CLDN16: variants seen among roughly 807,000 people sequenced by gnomAD.
CLDN16 encodes claudin 16, also known as claudin-16.
A neutral mutation model predicts 24.6 loss-of-function variants in CLDN16; 13 were observed. The observed-to-expected ratio is 0.53, with a 90% CI of 0.34 to 0.84. The LOEUF is 0.84. Among genes scored for constraint, CLDN16 ranks in the 40% least tolerant of loss-of-function variants. CLDN16 has a pLI of 0.01. For missense variants in CLDN16, 298 were observed against 292.7 expected (o/e 1.02, Z -0.13); for synonymous variants, 116 against 106.7 (o/e 1.09, Z -0.54).
intron 1 of CLDN16, among the ~76,000 whole-genome samples, chr3:190,341,200 A>G (rs1375826563): frequency 1.3e-5 from 2 of 151,882 alleles, no homozygotes; most frequent in African/African-American, 4.8e-5. Context: ...CCCAGTAGGG[A>G]CTCTATGTGG....
At chr3:190,316,288 C>T in the CLDN16 span, among the ~76,000 whole-genome samples, 4 of 152,174 alleles carry the variant, frequency 2.6e-5, no homozygotes, top group Non-Finnish European at 4.4e-5. Context: ...CAACTATTGA[C>T]TTATACAATT....
Position 190,363,577 on chromosome 3 carries a change from T to C in CLDN16, n.122-7316T>C, listed in dbSNP as rs1442809290. ...GTGTGTATATATATATATATATATATATATATATATATATATATATTTTCT... is the reference window on the plus strand; with the variant it reads ...GTGTGTATATATATATATATATATACATATATATATATATATATATTTTCT... On this transcript the variant is annotated intron_variant and non_coding_transcript_variant, in intron 1 of 4. Coordinates refer to the CLDN16 transcript ENST00000468220. 4.4e-4 allele frequency among the ~76,000 whole-genome samples: 59 copies of C among 135,218 alleles called. 3 individuals are homozygous for C. Among genetic ancestry groups the C allele is most frequent in the African/African-American group, 1.3e-3 (47 of 36,962 alleles). The allele number at this position is 135,218 out of a possible 152,430, so 88.7% of individuals were successfully genotyped here.
the CLDN16 span, among the ~76,000 whole-genome samples, chr3:190,303,483 T>TG: frequency 1.3e-5 from 2 of 152,036 alleles, no homozygotes; most frequent in Non-Finnish European, 2.9e-5. Context: ...AATTGGTGTG[T>TG]GGGGGGGTTT....
chr3:190,306,614 A>C, the CLDN16 span: 7 of 152,658 alleles, frequency 4.6e-5, no homozygotes, highest in African/African-American at 1.7e-4. Context: ...GCCTTGCTCA[A>C]ACACAGACGG....
chr3:190,362,067 C>T lies in CLDN16; in HGVS notation n.122-8826C>T, dbSNP rs150375864. Among the ~76,000 whole-genome samples the T allele has an allele frequency of 1.1e-4, 16 of 146,476 alleles. No individual in the cohort carries two copies. In the East Asian group the frequency reaches 3.4e-3, roughly 31 times the overall value. On this transcript the variant is annotated intron_variant and non_coding_transcript_variant, in intron 1 of 4. Coordinates refer to the CLDN16 transcript ENST00000468220. ...TCTAACCTGTGTAAATCAGACAGCA[C>T]CTCCTCACCAGCTCATCTATAAAAC...
At chr3:190,338,084 A>T (rs113602348) in intron 1 of CLDN16, among the ~76,000 whole-genome samples, 10,697 of 152,192 alleles carry the variant, frequency 0.07, 556 homozygotes, top group African/African-American at 0.14. Context: ...TAGGTAGAGT[A>T]CATGAGTTCA....
chr3:190,387,182 C>T (rs78715326), upstream of CLDN16, among the ~76,000 whole-genome samples: 813 of 152,040 alleles, frequency 5.3e-3, 6 homozygotes, highest in African/African-American at 0.019. Context: ...AGAAGTCTAC[C>T]TGATGAAGAG....
At chr3:190,408,701 AAAAT>A (rs1461177917) in intron 4 of CLDN16, among the ~76,000 whole-genome samples, 196 bp downstream of exon 4, 1 of 151,528 alleles carries the variant, frequency 6.6e-6, no homozygotes, top group Non-Finnish European at 1.5e-5. Flanking sequence ...TATTAATTGA[AAAAT>A]AAAATCCACA....
intron 1 of CLDN16, among the ~76,000 whole-genome samples, chr3:190,350,344 T>TTATATATATATATATATATATATATATA (rs10563626): frequency 1.8e-4 from 25 of 142,020 alleles, no homozygotes; most frequent in Non-Finnish European, 2.9e-4. Context: ...GTTCATAATG[T>TTATATATATATATATATATATATATATA]TATATATATA....
intron 1 of CLDN16, among the ~76,000 whole-genome samples, chr3:190,339,624 G>C (rs1481304022): frequency 2.0e-5 from 3 of 152,132 alleles, no homozygotes; most frequent in Non-Finnish European, 4.4e-5. Context: ...TGTAAGATAG[G>C]TCAGCAGTAA....
intron 1 of CLDN16, among the ~76,000 whole-genome samples, chr3:190,395,566 A>G (rs1423931157): frequency 2.6e-5 from 4 of 152,054 alleles, no homozygotes; most frequent in African/African-American, 9.6e-5. Context: ...GTTATTTACT[A>G]CAATATTATT....
At chr3:190,320,710 CAAGTT>C (rs1716895096), upstream of CLDN16, among the ~76,000 whole-genome samples, 1 of 152,130 alleles carries the variant, frequency 6.6e-6, no homozygotes, top group Non-Finnish European at 1.5e-5. Context: ...GTAGACAAAA[CAAGTT>C]AAGTAAACTT....
At chr3:190,291,367 C>A in the CLDN16 span, among the ~76,000 whole-genome samples, 4 of 152,100 alleles carry the variant, frequency 2.6e-5, no homozygotes, top group South Asian at 2.1e-4. Context: ...AGGAAACTTA[C>A]AATCATGGTG....
intron 2 of CLDN16, chr3:190,371,016 T>TTATATATATATATATATATA (rs141854157): frequency 0.015 from 200 of 13,676 alleles, no homozygotes; most frequent in Non-Finnish European, 0.025. Context: ...GTTAATACCT[T>TTATATATATATATATATATA]TATATATATA....
chr3:190,400,357 C>G (rs965424406), intron 1 of CLDN16, among the ~76,000 whole-genome samples: 4 of 152,100 alleles, frequency 2.6e-5, no homozygotes, highest in East Asian at 1.9e-4. Flanking sequence ...TCCTGCCTCC[C>G]GAGTGGCTGG....
rs919268159 is a variant in CLDN16, at chr3:190,335,234, G to C, written n.121+12573G>C. Among the ~76,000 whole-genome samples the C allele has an allele frequency of 7.2e-5, 11 of 151,734 alleles. No individual in the cohort carries two copies. The East Asian group carries it at 2.2e-3, about 30-fold the overall frequency. On this transcript the variant is annotated intron_variant and non_coding_transcript_variant, in intron 1 of 4. Transcript: ENST00000468220. ...AATTTTTGTATTTTTAGTAGGGACG[G>C]AGTTTCACCACGTTGGCCAGGCTGG...
chr3:190,322,223 C>T (rs754131848), upstream of CLDN16: 51 of 1,611,520 alleles, frequency 3.2e-5, no homozygotes, highest in Non-Finnish European at 4.2e-5. Flanking sequence ...CTCGGGCGCC[C>T]GCGCTGGCTC....
upstream of CLDN16, among the ~76,000 whole-genome samples, chr3:190,320,179 A>G (rs1226344402): frequency 1.3e-5 from 2 of 152,258 alleles, no homozygotes; most frequent in African/African-American, 4.8e-5. Context: ...ATGTGTAAGG[A>G]TGATCCATTT....
the CLDN16 span, chr3:190,310,381 G>A: frequency 1.2e-4 from 82 of 668,364 alleles, no homozygotes; most frequent in Non-Finnish European, 1.9e-4. Flanking sequence ...TTTTATTTTG[G>A]TATTAGGGAG....
Sources: allele counts gnomAD v4.1 joint callset (sites outside exome capture counted in the v4.1 genomes callset), GRCh38; gene constraint gnomAD v4.1.1; transcripts MANE v1.5; gene names NCBI Gene and HGNC (gene_info 2026-07-23, HGNC 2026-07-21).